The following SLC7A1 variants were observed in gnomAD, a reference collection of about 807,000 sequenced individuals.
SLC7A1 encodes the protein high affinity cationic amino acid transporter 1.
A neutral mutation model predicts 53.9 loss-of-function variants in SLC7A1; 10 were observed. The observed-to-expected ratio is 0.19, with a 90% CI of 0.11 to 0.31. The LOEUF (loss-of-function observed/expected upper bound fraction) is 0.31, where lower values mean the gene tolerates loss of function less well. Among genes scored for constraint, SLC7A1 ranks in the 10% least tolerant of loss-of-function variants. The probability of loss-of-function intolerance (pLI) is 1.00; values close to 1 mark genes in which losing one functional copy is unlikely to be tolerated. For missense variants in SLC7A1, 525 were observed against 827.2 expected, an observed-to-expected ratio of 0.63 and a Z score of 4.48; for synonymous variants, 342 against 338.7, an observed-to-expected ratio of 1.01 and a Z score of -0.11.
At chr13:29,524,078 C>T (rs2776957) in intron 6 of SLC7A1, 54 bp downstream of exon 6, 1,241,543 of 1,585,224 alleles carry the variant, frequency 0.78, 498,773 homozygotes, top group Non-Finnish European at 0.84. Flanking sequence ...CAAGCATTGG[C>T]TTGTTTGCCC....
chr13:29,565,334 TG>T (rs1172654747), intron 1 of SLC7A1, among the ~76,000 whole-genome samples: 2 of 152,110 alleles, frequency 1.3e-5, no homozygotes, highest in Non-Finnish European at 2.9e-5. Flanking sequence ...AATCTCAAGA[TG>T]GCCAGCAGAG....
Position 29,514,367 on chromosome 13 carries a change from AG to A in SLC7A1, c.*112del. 1 of 701,974 alleles carries A rather than the reference AG, an allele frequency of 1.4e-6. No individual in the cohort carries two copies. The highest frequency in any genetic ancestry group is 2.7e-5 in the East Asian group (1 of 37,178). 43.5% of individuals were successfully genotyped at this position (701,974 alleles called of 1,614,324 possible). ...AGTAATTGCACCTTTGGCTGCAGTGAGGGTGTGGACGCAGGTGGTTTCTGTT... is the reference window on the plus strand; with the variant it reads ...AGTAATTGCACCTTTGGCTGCAGTGAGGTGTGGACGCAGGTGGTTTCTGTT... On this transcript the variant is annotated 3_prime_UTR_variant, in exon 13 of 13. Transcript: ENST00000380752.
In SLC7A1 at chr13:29,576,293, T is replaced by TTAAAAAA. The variant is rs552407983; in HGVS notation, c.-115+19122_-115+19123insTTTTTTA. ...GGTATCAGTATGAGATCCTGTTTTT[T>TTAAAAAA]AAAAAAAAAAAAAAGGAAAGAAAAC... On this transcript the variant is annotated intron_variant, in intron 1 of 12. Coordinates refer to ENST00000380752, the MANE Select transcript of SLC7A1 (RefSeq NM_003045.5). Among the ~76,000 whole-genome samples the TTAAAAAA allele has an allele frequency of 1.7e-3, 207 of 124,964 alleles. 5 individuals carry two copies. In the East Asian group the frequency reaches 0.035, roughly 21 times the overall value. The allele number at this position is 124,964 out of a possible 152,430, so 82.0% of individuals were successfully genotyped here.
At chr13:29,580,027 C>T (rs1039034310) in intron 1 of SLC7A1, among the ~76,000 whole-genome samples, 17 of 152,160 alleles carry the variant, frequency 1.1e-4, no homozygotes, top group African/African-American at 3.9e-4. Context: ...AGCTCTTTGG[C>T]GGATCCATAA....
rs1264652305 is a variant in SLC7A1, at chr13:29,592,968, C to T, written c.-115+2448G>A. ...GGGAGCAAAGGGAGGCCATGGGCAG[C>T]AAGGAGACAGAGGCTGAAGAGACCC... On this transcript the variant is annotated intron_variant, in intron 1 of 12. Transcript: ENST00000380752. Among the ~76,000 whole-genome samples the T allele has an allele frequency of 1.3e-5, 2 of 151,984 alleles. 1 individual carries two copies.
intron 3 of SLC7A1, 102 bp downstream of exon 3, chr13:29,535,717 T>C: frequency 1.7e-6 from 2 of 1,175,606 alleles, no homozygotes; most frequent in Middle Eastern, 2.5e-4. Flanking sequence ...GCCTCTCGTG[T>C]TAACAAGAAT....
chr13:29,533,061 A>T, intron 3 of SLC7A1, 79 bp from the exon 4 acceptor site: 1 of 1,410,186 alleles, frequency 7.1e-7, no homozygotes, highest in Non-Finnish European at 9.6e-7. Context: ...CCATGTTGAT[A>T]ACATCATTGC....
chr13:29,514,593 G>T lies in SLC7A1; in HGVS notation c.1787-10C>A. 1.3e-6 allele frequency: 2 copies of T among 1,594,416 alleles called. No homozygotes were observed. ...AAGTAGATGATGAAGCCTGCGGGCC[G>T]ACAGCAGAGACGGGCGTGAACAGAC... On this transcript the variant is annotated splice_polypyrimidine_tract_variant and intron_variant, in intron 12 of 12. Coordinates refer to ENST00000380752, the MANE Select transcript of SLC7A1 (RefSeq NM_003045.5).
chr13:29,561,642 C>T (rs1406623535), intron 1 of SLC7A1, among the ~76,000 whole-genome samples: 1 of 152,134 alleles, frequency 6.6e-6, no homozygotes, highest in Non-Finnish European at 1.5e-5. Context: ...CTTTTCTGTT[C>T]AAGGAGAGTG....
At chr13:29,524,849 T>C (rs1868810494) in intron 5 of SLC7A1, among the ~76,000 whole-genome samples, 1 of 152,174 alleles carries the variant, frequency 6.6e-6, no homozygotes, top group Non-Finnish European at 1.5e-5. Flanking sequence ...CAGCACATCT[T>C]TGCTACACTG....
chr13:29,545,615 A>C (rs1869885841), intron 2 of SLC7A1, among the ~76,000 whole-genome samples: 1 of 152,144 alleles, frequency 6.6e-6, no homozygotes, highest in South Asian at 2.1e-4. Context: ...TCCTCATAAT[A>C]ATATTTTTCT....
At chr13:29,554,080 C>T (rs370856610) in intron 1 of SLC7A1, among the ~76,000 whole-genome samples, 14 of 152,282 alleles carry the variant, frequency 9.2e-5, no homozygotes, top group African/African-American at 2.9e-4. Flanking sequence ...AGATGCCCTC[C>T]GCACCAGAGA....
intron 1 of SLC7A1, among the ~76,000 whole-genome samples, chr13:29,590,929 T>A (rs1872082041): frequency 1.3e-5 from 2 of 151,804 alleles, no homozygotes; most frequent in African/African-American, 4.8e-5. Flanking sequence ...CATAATGAGA[T>A]CCCTTCTCTA....
chr13:29,516,522 G>A (rs1423833897), intron 11 of SLC7A1, among the ~76,000 whole-genome samples: 1 of 152,174 alleles, frequency 6.6e-6, no homozygotes, highest in Admixed American at 6.5e-5. Context: ...TTTCTCTGTT[G>A]CGATTCTCCT....
rs767731591 is a variant in SLC7A1, at chr13:29,517,246, C to A, written c.1575G>T (p.Ala525=). 25 of 1,613,244 alleles carry A rather than the reference C, an allele frequency of 1.5e-5. No homozygotes were observed. Among genetic ancestry groups the A allele is most frequent in the Non-Finnish European group, 2.1e-5 (25 of 1,179,678 alleles). ...CTGCGAGCAGAAAGACTGCCCACAGCGCCCCTTTGGTGAGAGCCTCCCTTC... is the reference window on the plus strand; with the variant it reads ...CTGCGAGCAGAAAGACTGCCCACAGAGCCCCTTTGGTGAGAGCCTCCCTTC... The part of the protein sequence containing the change: ...VLGREALTKG[A]LWAVFLLAGS... The change falls in exon 11 of 13, where the codon GCG becomes GCT. Residue 525 remains alanine (A), a synonymous_variant. Coordinates refer to ENST00000380752, the MANE Select transcript of SLC7A1 (RefSeq NM_003045.5).
At chr13:29,588,652 C>T (rs9579411) in intron 1 of SLC7A1, among the ~76,000 whole-genome samples, 6,376 of 151,874 alleles carry the variant, frequency 0.042, 176 homozygotes, top group Middle Eastern at 0.17. Context: ...TATAGGCATG[C>T]GCCACCAACA....
chr13:29,560,496 A>G (rs1222587510), intron 1 of SLC7A1, among the ~76,000 whole-genome samples: 1 of 150,680 alleles, frequency 6.6e-6, no homozygotes, highest in Non-Finnish European at 1.5e-5. Context: ...ACATTAATAT[A>G]TACATATATA....
At chr13:29,580,120 A>C (rs576528849) in intron 1 of SLC7A1, among the ~76,000 whole-genome samples, 1 of 152,236 alleles carries the variant, frequency 6.6e-6, no homozygotes, top group East Asian at 1.9e-4. Flanking sequence ...CAGACCCCCA[A>C]GGCAAAAAAT....
chr13:29,576,293 T>TTTTAAAAAAAAAAAA (rs552407983), intron 1 of SLC7A1, among the ~76,000 whole-genome samples: 18 of 124,960 alleles, frequency 1.4e-4, no homozygotes, highest in African/African-American at 5.9e-4. Context: ...TCCTGTTTTT[T>TTTTAAAAAAAAAAAA]AAAAAAAAAA....
Sources: gnomAD v4.1 joint callset for allele counts (sites outside exome capture counted in the v4.1 genomes callset) on GRCh38, gnomAD v4.1.1 for gene constraint, MANE v1.5 for transcripts, NCBI Gene and HGNC (gene_info 2026-07-23, HGNC 2026-07-21) for gene names.